The following PRKCH variants were observed in gnomAD, a reference collection of about 807,000 sequenced individuals.
PRKCH encodes the protein protein kinase C eta.
Under a neutral mutation model 82.5 loss-of-function variants are expected in PRKCH, and 28 were observed. That is an observed-to-expected ratio of 0.34 (90% CI 0.25 to 0.47). The LOEUF (loss-of-function observed/expected upper bound fraction) is 0.47. Among genes scored for constraint, PRKCH ranks in the 20% least tolerant of loss-of-function variants. The pLI is 1.00. For missense variants in PRKCH, 705 were observed against 881.8 expected, an observed-to-expected ratio of 0.80 and a Z score of 2.54; for synonymous variants, 322 against 327.4, an observed-to-expected ratio of 0.98 and a Z score of 0.18.
intron 1 of PRKCH, among the ~76,000 whole-genome samples, chr14:61,310,152 C>T (rs1489017165): frequency 2.6e-5 from 4 of 152,154 alleles, no homozygotes; most frequent in Non-Finnish European, 5.9e-5. Context: ...TGGCCCCTCC[C>T]AAATCTCATA....
At chr14:61,293,842 A>G (rs191185598) in intron 1 of PRKCH, among the ~76,000 whole-genome samples, 1 of 152,286 alleles carries the variant, frequency 6.6e-6, no homozygotes, top group Admixed American at 6.5e-5. Context: ...TTACCAGGAA[A>G]ACTCTGCCCC....
chr14:61,396,881 A>G (rs1280678101), intron 2 of PRKCH, among the ~76,000 whole-genome samples: 1 of 152,182 alleles, frequency 6.6e-6, no homozygotes, highest in African/African-American at 2.4e-5. Context: ...CACCAGAATA[A>G]TTATACAACA....
chr14:61,264,287 G>C (rs1028611254), intron 1 of PRKCH, among the ~76,000 whole-genome samples: 2 of 152,170 alleles, frequency 1.3e-5, no homozygotes, highest in African/African-American at 4.8e-5. Context: ...TAAGTTTACA[G>C]GGTTTGCTTT....
intron 9 of PRKCH, among the ~76,000 whole-genome samples, chr14:61,478,133 T>C (rs1885812237): frequency 6.6e-6 from 1 of 152,222 alleles, no homozygotes; most frequent in African/African-American, 2.4e-5. Context: ...AGGATAATAA[T>C]AGTTGCTAAC....
At chr14:61,225,585 C>G (rs1398463226) in intron 1 of PRKCH, among the ~76,000 whole-genome samples, 1 of 152,226 alleles carries the variant, frequency 6.6e-6, no homozygotes. Flanking sequence ...CTCCATGGTT[C>G]TGGGAGAAAT....
chr14:61,472,557 A>C (rs994173855), intron 9 of PRKCH, among the ~76,000 whole-genome samples: 1 of 152,174 alleles, frequency 6.6e-6, no homozygotes, highest in Non-Finnish European at 1.5e-5. Context: ...TTTCCCATAC[A>C]TGGAAATGCC....
intron 4 of PRKCH, among the ~76,000 whole-genome samples, chr14:61,446,361 C>T (rs1264764831): frequency 6.6e-6 from 1 of 152,198 alleles, no homozygotes; most frequent in Admixed American, 6.5e-5. Flanking sequence ...TTAGCCAGGC[C>T]CATCAGGCTT....
intron 1 of PRKCH, among the ~76,000 whole-genome samples, chr14:61,245,241 T>C (rs1404857943): frequency 6.6e-6 from 1 of 152,174 alleles, no homozygotes; most frequent in Non-Finnish European, 1.5e-5. Context: ...ACAGACAGCA[T>C]AAGCATGAGG....
At chr14:61,504,363 T>C (rs1887048081) in intron 10 of PRKCH, among the ~76,000 whole-genome samples, 1 of 152,066 alleles carries the variant, frequency 6.6e-6, no homozygotes, top group Non-Finnish European at 1.5e-5. Context: ...TAATTTTTGT[T>C]ATTTTTAGTA....
At chr14:61,243,405 AAAAG>A (rs1285968599) in intron 1 of PRKCH, among the ~76,000 whole-genome samples, 17 of 151,808 alleles carry the variant, frequency 1.1e-4, no homozygotes, top group African/African-American at 3.4e-4. Flanking sequence ...AAAAAAAAGA[AAAAG>A]AAAAAAAGTT....
At chr14:61,534,822 A>G (rs2043086672) in intron 12 of PRKCH, among the ~76,000 whole-genome samples, 1 of 152,212 alleles carries the variant, frequency 6.6e-6, no homozygotes, top group African/African-American at 2.4e-5. Context: ...GTGTGATAAT[A>G]ACACCTATAG....
At chr14:61,329,513 G>A (rs112939249) in intron 1 of PRKCH, among the ~76,000 whole-genome samples, 2 of 152,220 alleles carry the variant, frequency 1.3e-5, no homozygotes, top group African/African-American at 4.8e-5. Flanking sequence ...TGGGATGCAG[G>A]CATGAGTCAC....
upstream of PRKCH, among the ~76,000 whole-genome samples, chr14:61,316,879 A>G (rs1408469922): frequency 6.6e-6 from 1 of 152,172 alleles, no homozygotes; most frequent in African/African-American, 2.4e-5. Flanking sequence ...GTATTTAGGG[A>G]GCCAGTTGCA....
At chr14:61,452,878 G>A (rs7152536) in intron 6 of PRKCH, 9,938 of 256,186 alleles carry the variant, frequency 0.039, 960 homozygotes, top group African/African-American at 0.21. Flanking sequence ...TTATTTAATT[G>A]CCTGTGAATT....
At chr14:61,226,332 T>A (rs1236455911) in intron 1 of PRKCH, among the ~76,000 whole-genome samples, 1 of 152,156 alleles carries the variant, frequency 6.6e-6, no homozygotes, top group East Asian at 1.9e-4. Flanking sequence ...AAAATATACA[T>A]CTTCAAGCCA....
intron 1 of PRKCH, 112 bp downstream of exon 1, chr14:61,322,576 C>T: frequency 9.8e-6 from 14 of 1,427,328 alleles, no homozygotes; most frequent in Non-Finnish European, 1.3e-5. Context: ...GAGGGAATTC[C>T]CTCCAGACTT....
intron 10 of PRKCH, among the ~76,000 whole-genome samples, chr14:61,514,617 C>T (rs1017783500): frequency 4.6e-5 from 7 of 152,138 alleles, no homozygotes; most frequent in Non-Finnish European, 7.4e-5. Context: ...CCCCCACATC[C>T]TCCCTAATCC....
At position 61,496,685 on chromosome 14, in the gene PRKCH, T is replaced by A. The variant is rs531751203; in HGVS notation, c.1433+11029T>A. Among the ~76,000 whole-genome samples the A allele has an allele frequency of 2.6e-5, 4 of 152,324 alleles. No individual in the cohort carries two copies. In the South Asian group the frequency reaches 8.3e-4, roughly 32 times the overall value. On this transcript the variant is annotated intron_variant, in intron 10 of 13. Transcript: ENST00000332981. ...TTCATGAAGGCAGGGACTGTGGCTGTCCAAGCCCAGCCCCTAGGACAATGA... is the reference window on the plus strand; with the variant it reads ...TTCATGAAGGCAGGGACTGTGGCTGACCAAGCCCAGCCCCTAGGACAATGA...
At chr14:61,249,999 C>T (rs1006997206) in intron 1 of PRKCH, among the ~76,000 whole-genome samples, 8 of 151,196 alleles carry the variant, frequency 5.3e-5, no homozygotes, top group Non-Finnish European at 8.9e-5. Context: ...GCGGCTCATG[C>T]CTGTAATCCC....
Sources: allele counts gnomAD v4.1 joint callset (sites outside exome capture counted in the v4.1 genomes callset), GRCh38; gene constraint gnomAD v4.1.1; transcripts MANE v1.5; gene names NCBI Gene and HGNC (gene_info 2026-07-23, HGNC 2026-07-21).